RTN4IP1: variants seen among roughly 807,000 people sequenced by gnomAD.
The protein encoded by RTN4IP1 is NAD(P)H oxidoreductase RTN4IP1, mitochondrial.
A neutral mutation model predicts 46.6 loss-of-function variants in RTN4IP1; 32 were observed. The ratio of observed to expected loss-of-function variants is 0.69; its 90% CI spans 0.52 to 0.92. The LOEUF (loss-of-function observed/expected upper bound fraction) is 0.92, where lower values mean the gene tolerates loss of function less well. Ranked by LOEUF, RTN4IP1 falls within the 40% of genes least tolerant of loss-of-function variation. RTN4IP1 has a pLI of 0.00. For missense variants in RTN4IP1, 424 were observed against 485.8 expected, an observed-to-expected ratio of 0.87 and a Z score of 1.20; for synonymous variants, 167 against 161.8, an observed-to-expected ratio of 1.03 and a Z score of -0.24.
chr6:106,600,227 C>T (rs1303385607), intron 5 of RTN4IP1, among the ~76,000 whole-genome samples: 3 of 152,052 alleles, frequency 2.0e-5, no homozygotes, highest in Non-Finnish European at 4.4e-5. Flanking sequence ...GGCAGAGCCT[C>T]TGAGGCTACT....
At chr6:106,629,847 C>A (rs1218700925), upstream of RTN4IP1, 3 of 1,023,020 alleles carry the variant, frequency 2.9e-6, no homozygotes, top group South Asian at 1.5e-5. Flanking sequence ...AAGTACCTTT[C>A]GATTCTTCGG....
At chr6:106,626,710 G>C (rs1257917180) in intron 1 of RTN4IP1, among the ~76,000 whole-genome samples, 1 of 152,204 alleles carries the variant, frequency 6.6e-6, no homozygotes, top group Non-Finnish European at 1.5e-5. Flanking sequence ...AACCTGTTTG[G>C]TGACACGGAT....
At position 106,583,396 on chromosome 6, in the gene RTN4IP1, GA is replaced by G. The variant is rs1775415152; in HGVS notation, c.1014del (p.Arg339AlafsTer12). The G allele has an allele frequency of 6.2e-7, 1 of 1,613,036 alleles. No homozygotes were observed. The highest frequency in any genetic ancestry group is 1.3e-5 in the African/African-American group (1 of 74,906). On this transcript the variant is annotated frameshift_variant, in exon 8 of 9. Transcript: ENST00000369063. LOFTEE classifies it high-confidence loss of function. ...CCACTGGCCATGAAAAATGCCCAGC[GA>G]TAATGGACTCCTTTCCAGAAATGCT... ...ALKHFWKGVH[Y>X]RWAFFMASGP...
intron 5 of RTN4IP1, among the ~76,000 whole-genome samples, chr6:106,597,873 G>A (rs1460846481): frequency 1.3e-5 from 2 of 151,948 alleles, no homozygotes; most frequent in Non-Finnish European, 2.9e-5. Context: ...AGTCCCCAGA[G>A]TGTGATATTC....
chr6:106,605,649 T>TA (rs533547093), intron 4 of RTN4IP1, among the ~76,000 whole-genome samples: 12 of 150,162 alleles, frequency 8.0e-5, no homozygotes, highest in African/African-American at 2.5e-5. Context: ...CTGTCTCTAC[T>TA]AAAAAAAATA....
intron 5 of RTN4IP1, among the ~76,000 whole-genome samples, chr6:106,595,393 T>C (rs749738856): frequency 6.6e-6 from 1 of 152,202 alleles, no homozygotes; most frequent in Non-Finnish European, 1.5e-5. Flanking sequence ...CTCTTTATTA[T>C]CTTAGCAGCT....
At chr6:106,623,601 T>A (rs72613236) in intron 1 of RTN4IP1, among the ~76,000 whole-genome samples, 11,071 of 152,218 alleles carry the variant, frequency 0.073, 1,019 homozygotes, top group African/African-American at 0.2. Flanking sequence ...ATAAAAAGAT[T>A]TTCTTTAAAA....
At position 106,600,095 on chromosome 6, in the gene RTN4IP1, C is replaced by T. The variant is rs540394061; in HGVS notation, c.669+2779G>A. ...GTGTGCATCCCAGGAATCCTCGCCT[C>T]CTTCACCTAGTTCAGTCAGCAGACA... On this transcript the variant is annotated intron_variant, in intron 5 of 8. Coordinates refer to ENST00000369063, the MANE Select transcript of RTN4IP1 (RefSeq NM_032730.5). Among the ~76,000 whole-genome samples the T allele has an allele frequency of 1.2e-4, 18 of 152,210 alleles. No individual in the cohort carries two copies. The South Asian group carries it at 3.7e-3, about 32-fold the overall frequency.
intron 5 of RTN4IP1, among the ~76,000 whole-genome samples, chr6:106,597,837 C>T (rs544763099): frequency 1.3e-5 from 2 of 152,050 alleles, no homozygotes; most frequent in East Asian, 3.9e-4. Flanking sequence ...CAACGCTATC[C>T]CTCCCCGCTC....
At chr6:106,598,588 G>C (rs1469775358) in intron 5 of RTN4IP1, among the ~76,000 whole-genome samples, 4 of 151,740 alleles carry the variant, frequency 2.6e-5, no homozygotes, top group Non-Finnish European at 5.9e-5. Context: ...TGTAGATTCT[G>C]GATATTAGCC....
intron 5 of RTN4IP1, among the ~76,000 whole-genome samples, chr6:106,599,723 G>A (rs1775895151): frequency 6.6e-6 from 1 of 151,872 alleles, no homozygotes; most frequent in South Asian, 2.1e-4. Flanking sequence ...TTCTAGTTGG[G>A]GAATTTTAAC....
At chr6:106,612,272 A>C (rs80183145) in intron 4 of RTN4IP1, among the ~76,000 whole-genome samples, 10,996 of 151,530 alleles carry the variant, frequency 0.073, 584 homozygotes, top group East Asian at 0.2. Context: ...CTATAATCCC[A>C]GCTACTCGGG....
chr6:106,581,282 C>T (rs1775364699), intron 8 of RTN4IP1, among the ~76,000 whole-genome samples: 1 of 152,110 alleles, frequency 6.6e-6, no homozygotes, highest in Non-Finnish European at 1.5e-5. Context: ...CAGCTTTTCA[C>T]GATCAAAAAA....
chr6:106,619,767 G>A (rs967872263), intron 3 of RTN4IP1, among the ~76,000 whole-genome samples: 2 of 149,272 alleles, frequency 1.3e-5, no homozygotes, highest in Non-Finnish European at 1.5e-5. Context: ...GCCCGCCACT[G>A]CGCCCAGCTA....
Position 106,570,866 on chromosome 6 carries a change from A to C in RTN4IP1, c.*1130T>G, listed in dbSNP as rs971500110. 6.6e-6 allele frequency: 1 copy of C among 152,234 alleles called. No homozygotes were observed. The highest frequency in any genetic ancestry group is 2.4e-5 in the African/African-American group (1 of 41,456). The allele number at this position is 152,234 out of a possible 1,614,324, so 9.4% of individuals were successfully genotyped here. A position where few individuals can be genotyped will look rare whatever the true frequency, so the allele number is the denominator to read the frequency against. On this transcript the variant is annotated 3_prime_UTR_variant, in exon 9 of 9. Transcript: ENST00000369063. The stretch of plus-strand genomic sequence containing the variant: ...AACGAGTGTCTAACAGGAATAAACC[A>C]AGCAGAAATCTCAAAACAGGTCTAC...
chr6:106,625,637 T>C (rs1305334563), intron 1 of RTN4IP1, among the ~76,000 whole-genome samples: 1 of 151,528 alleles, frequency 6.6e-6, no homozygotes, highest in African/African-American at 2.4e-5. Flanking sequence ...CAGAGGACTT[T>C]TGAGTGGCTT....
chr6:106,626,112 C>G (rs1167683911), intron 1 of RTN4IP1, among the ~76,000 whole-genome samples: 2 of 152,048 alleles, frequency 1.3e-5, no homozygotes, highest in African/African-American at 4.8e-5. Context: ...AAGCCGAGGG[C>G]TGGCCTTATG....
intron 8 of RTN4IP1, chr6:106,572,441 G>C (rs575469349): frequency 4.6e-6 from 1 of 218,266 alleles, no homozygotes; most frequent in South Asian, 1.2e-4. Flanking sequence ...CAGATTCCAT[G>C]CTTTGCAAAA....
At chr6:106,609,414 T>C (rs1383835965) in intron 4 of RTN4IP1, among the ~76,000 whole-genome samples, 2 of 151,938 alleles carry the variant, frequency 1.3e-5, no homozygotes, top group Non-Finnish European at 2.9e-5. Flanking sequence ...ATAAATTATC[T>C]AGGTATGGTG....
Sources: gnomAD v4.1 joint callset for allele counts (sites outside exome capture counted in the v4.1 genomes callset) on GRCh38, gnomAD v4.1.1 for gene constraint, MANE v1.5 for transcripts, NCBI Gene and HGNC (gene_info 2026-07-23, HGNC 2026-07-21) for gene names.